The following GNAQ variants were observed in gnomAD, a reference collection of about 807,000 sequenced individuals.
The protein encoded by GNAQ is G protein subunit alpha q, also known as guanine nucleotide-binding protein G(q) subunit alpha.
Under a neutral mutation model 43.9 loss-of-function variants are expected in GNAQ, and 8 were observed. The observed-to-expected ratio is 0.18, with a 90% confidence interval of 0.11 to 0.33. GNAQ has a LOEUF of 0.33. GNAQ is among the 10% of genes least tolerant of loss of function. The probability of loss-of-function intolerance (pLI) is 1.00; values close to 1 mark genes in which losing one functional copy is unlikely to be tolerated. For missense variants in GNAQ, 158 were observed against 450.8 expected, an observed-to-expected ratio of 0.35 and a Z score of 5.88; for synonymous variants, 155 against 170.7, an observed-to-expected ratio of 0.91 and a Z score of 0.71.
chr9:77,754,694 C>A (rs146722085), intron 5 of GNAQ, among the ~76,000 whole-genome samples: 1 of 152,262 alleles, frequency 6.6e-6, no homozygotes, highest in East Asian at 1.9e-4. Flanking sequence ...CCAAGACCTG[C>A]CAAGTACATC....
intron 1 of GNAQ, among the ~76,000 whole-genome samples, chr9:77,939,140 G>T (rs1486624186): frequency 1.3e-5 from 2 of 152,132 alleles, no homozygotes; most frequent in Non-Finnish European, 2.9e-5. Context: ...CCTATATCAG[G>T]TGTGTCCCCA....
At chr9:77,948,553 C>A (rs1822933861) in intron 1 of GNAQ, among the ~76,000 whole-genome samples, 1 of 152,164 alleles carries the variant, frequency 6.6e-6, no homozygotes, top group Admixed American at 6.5e-5. Flanking sequence ...GCCAGGAGGG[C>A]AGCCTAGGCC....
At position 77,881,834 on chromosome 9, in the gene GNAQ, A is replaced by C. The variant is rs1163170471; in HGVS notation, c.321+40327T>G. Among the ~76,000 whole-genome samples the C allele has an allele frequency of 2.0e-5, 3 of 152,174 alleles. No individual in the cohort carries two copies. The East Asian group carries it at 5.8e-4, about 29-fold the overall frequency. On this transcript the variant is annotated intron_variant, in intron 2 of 6. Coordinates refer to ENST00000286548, the MANE Select transcript of GNAQ (RefSeq NM_002072.5). ...GCTGCTGACTGAATCAGTTGCCAAG[A>C]ATTCTTCTAAATGGCATTATGGGCC...
intron 2 of GNAQ, among the ~76,000 whole-genome samples, chr9:77,852,659 C>T (rs983000780): frequency 5.9e-5 from 9 of 152,234 alleles, no homozygotes; most frequent in Non-Finnish European, 1.0e-4. Context: ...TTTGGGACTA[C>T]GTGATCGCTC....
chr9:77,835,291 C>G (rs1289509379), intron 2 of GNAQ, among the ~76,000 whole-genome samples: 1 of 151,410 alleles, frequency 6.6e-6, no homozygotes, highest in South Asian at 2.1e-4. Context: ...GATAAGGGAT[C>G]TACTGTTCGG....
chr9:77,734,230 C>T (rs78777189), intron 5 of GNAQ, among the ~76,000 whole-genome samples: 1,919 of 152,292 alleles, frequency 0.013, 33 homozygotes, highest in African/African-American at 0.044. Context: ...CATTATCTTG[C>T]CTCATTATCA....
chr9:77,724,551 T>C lies in GNAQ; in HGVS notation c.890-3038A>G, dbSNP rs371351013. On this transcript the variant is annotated intron_variant, in intron 6 of 6. Coordinates refer to ENST00000286548, the MANE Select transcript of GNAQ (RefSeq NM_002072.5). ...ACCTACTAGTAGGGATAAAGAGATC[T>C]TGCAGAACTCTATTGAGGGCTTGAC... Among the ~76,000 whole-genome samples, 371 of 152,316 alleles carry C rather than the reference T, an allele frequency of 2.4e-3. 4 individuals are homozygous for C. Among genetic ancestry groups the C allele is most frequent in the African/African-American group, 7.7e-3 (319 of 41,572 alleles).
rs1034796434 is a variant in GNAQ at position 77,830,171 on chromosome 9, G to A, written c.322-14401C>T. 5.3e-5 allele frequency among the ~76,000 whole-genome samples: 8 copies of A among 152,016 alleles called. No individual in the cohort carries two copies. In the South Asian group the frequency reaches 8.3e-4, roughly 16 times the overall value. On this transcript the variant is annotated intron_variant, in intron 2 of 6. Coordinates refer to ENST00000286548, the MANE Select transcript of GNAQ (RefSeq NM_002072.5). ...ATCTCCCTAGATTCCCAGGCTGGTC[G>A]TGAATTCCCATGCTCAAGCCATCCT...
intron 1 of GNAQ, among the ~76,000 whole-genome samples, chr9:77,980,133 G>T (rs777277718): frequency 6.6e-6 from 1 of 152,168 alleles, no homozygotes; most frequent in Admixed American, 6.5e-5. Context: ...CTCAAGCCTT[G>T]AAAGAGTTAC....
At chr9:77,851,127 A>T (rs1431364825) in intron 2 of GNAQ, among the ~76,000 whole-genome samples, 1 of 152,250 alleles carries the variant, frequency 6.6e-6, no homozygotes, top group Admixed American at 6.5e-5. Context: ...TTGACACTTA[A>T]CATACTTGTT....
chr9:77,957,158 C>T (rs184281791), intron 1 of GNAQ, among the ~76,000 whole-genome samples: 1 of 152,146 alleles, frequency 6.6e-6, no homozygotes, highest in East Asian at 1.9e-4. Context: ...AAATTCGAGA[C>T]CAGTCTGGCC....
chr9:77,749,410 G>C (rs1007345645), intron 5 of GNAQ, among the ~76,000 whole-genome samples: 3 of 152,130 alleles, frequency 2.0e-5, no homozygotes, highest in African/African-American at 4.8e-5. Context: ...CAGGCAGAAG[G>C]CTTTAAATAT....
chr9:77,749,399 A>G (rs1825778649), intron 5 of GNAQ, among the ~76,000 whole-genome samples: 1 of 152,196 alleles, frequency 6.6e-6, no homozygotes, highest in African/African-American at 2.4e-5. Context: ...ATTCAGGAAA[A>G]CAGGCAGAAG....
chr9:77,723,600 T>G (rs1421642705), intron 6 of GNAQ, among the ~76,000 whole-genome samples: 1 of 152,212 alleles, frequency 6.6e-6, no homozygotes, highest in African/African-American at 2.4e-5. Context: ...AAGAATATTA[T>G]TCAGCCATAA....
rs540111506 is a variant in GNAQ at position 77,793,016 on chromosome 9, ATAT to A, written c.735+1444_735+1446del. On this transcript the variant is annotated intron_variant, in intron 5 of 6. Coordinates refer to ENST00000286548, the MANE Select transcript of GNAQ (RefSeq NM_002072.5). ...AGCATATAGTAGGGAAGCCCTCAAA[ATAT>A]TTTTTTGTCTTGACACAACATTCAA... is the stretch of plus-strand genomic sequence containing the variant. 2.0e-3 allele frequency among the ~76,000 whole-genome samples: 310 copies of A among 152,166 alleles called. 2 individuals carry two copies. Among genetic ancestry groups the A allele is most frequent in the African/African-American group, 7.3e-3 (302 of 41,532 alleles).
At chr9:77,961,172 A>G (rs1013143455) in intron 1 of GNAQ, among the ~76,000 whole-genome samples, 6 of 152,184 alleles carry the variant, frequency 3.9e-5, no homozygotes, top group African/African-American at 9.7e-5. Context: ...AAATGGGGGG[A>G]AAAGCCCAGG....
chr9:77,800,816 C>G (rs1324406779), intron 3 of GNAQ, among the ~76,000 whole-genome samples: 2 of 152,162 alleles, frequency 1.3e-5, no homozygotes, highest in Non-Finnish European at 2.9e-5. Flanking sequence ...TCTAATTTAT[C>G]AGCTTCTTGA....
chr9:77,724,989 T>C (rs1022053392), intron 6 of GNAQ, among the ~76,000 whole-genome samples: 7 of 152,162 alleles, frequency 4.6e-5, no homozygotes, highest in African/African-American at 1.7e-4. Flanking sequence ...GAGAAGTCTC[T>C]CATTTCATAA....
chr9:77,773,250 G>C (rs1303734322), intron 5 of GNAQ, among the ~76,000 whole-genome samples: 2 of 152,118 alleles, frequency 1.3e-5, no homozygotes, highest in Non-Finnish European at 2.9e-5. Context: ...TGGCTGTGAG[G>C]CATAAATGTC....
Sources: allele counts gnomAD v4.1 joint callset (sites outside exome capture counted in the v4.1 genomes callset), GRCh38; gene constraint gnomAD v4.1.1; transcripts MANE v1.5; gene names NCBI Gene and HGNC (gene_info 2026-07-23, HGNC 2026-07-21).